The following DHX30 variants were observed in gnomAD, a reference collection of about 807,000 sequenced individuals.
DHX30 encodes ATP-dependent RNA helicase DHX30.
A neutral mutation model predicts 116.9 loss-of-function variants in DHX30; 4 were observed. The observed-to-expected ratio is 0.03, with a 90% CI of 0.02 to 0.08. The LOEUF is 0.08. Ranked by LOEUF, DHX30 falls within the 10% of genes least tolerant of loss-of-function variation. The pLI is 1.00. For missense variants in DHX30, 871 were observed against 1,595.1 expected, an observed-to-expected ratio of 0.55 and a Z score of 7.73; for synonymous variants, 697 against 651.7, an observed-to-expected ratio of 1.07 and a Z score of -1.06.
chr3:47,812,709 G>A (rs1372533788), intron 3 of DHX30, among the ~76,000 whole-genome samples: 2 of 149,604 alleles, frequency 1.3e-5, no homozygotes, highest in East Asian at 4.1e-4. Context: ...TGTTGCCCAG[G>A]CTGGAGTGCA....
In DHX30 at chr3:47,849,115, C is replaced by T. The variant is rs779601436; in HGVS notation, c.2929+36C>T. 7.7e-5 allele frequency: 124 copies of T among 1,611,290 alleles called. 1 individual carries two copies. The highest frequency in any genetic ancestry group is 5.9e-6 in the Non-Finnish European group (7 of 1,178,558). On this transcript the variant is annotated intron_variant, in intron 18 of 21. Transcript: ENST00000445061. ...CCCACACCTGCTCTCCTGAGCCCCT[C>T]CCACCCCCACTGAGTTTCTGTCACC...
At chr3:47,811,782 G>T (rs2035800091) in intron 3 of DHX30, among the ~76,000 whole-genome samples, 1 of 152,054 alleles carries the variant, frequency 6.6e-6, no homozygotes, top group South Asian at 2.1e-4. Flanking sequence ...AAACAAGATT[G>T]GCTGGGCATG....
At chr3:47,824,287 G>A (rs1384909822) in intron 4 of DHX30, among the ~76,000 whole-genome samples, 3 of 152,232 alleles carry the variant, frequency 2.0e-5, no homozygotes, top group African/African-American at 7.2e-5. Context: ...ACAGGCGTGA[G>A]CCACTGCGCC....
intron 2 of DHX30, among the ~76,000 whole-genome samples, chr3:47,808,842 G>T (rs2106935559): frequency 6.6e-6 from 1 of 151,830 alleles, no homozygotes; most frequent in South Asian, 2.1e-4. Flanking sequence ...CTCCCAAAGT[G>T]CTGGGATTAC....
intron 3 of DHX30, chr3:47,815,906 A>G: frequency 1.0e-6 from 1 of 983,916 alleles, no homozygotes; most frequent in Non-Finnish European, 1.2e-6. Context: ...AAAATGCTTA[A>G]TGAGATAATA....
At position 47,841,619 on chromosome 3, in the gene DHX30, G is replaced by A. The variant is rs747361864; in HGVS notation, c.671G>A (p.Gly224Glu). 3 of 1,614,222 alleles carry A rather than the reference G, an allele frequency of 1.9e-6. No individual in the cohort carries two copies. The highest frequency in any genetic ancestry group is 1.1e-5 in the South Asian group (1 of 91,088). ...AGTTAAACTTTTGGTCCTCCCAGGG[G>A]GAGTTCCTTTGAGATGACAGATGAC... is the stretch of plus-strand genomic sequence containing the variant. ...DSHAPLRDSR[G>E]SSFEMTDDDS... The change falls in exon 8 of 22, where the codon GGG becomes GAG. Residue 224 changes from glycine (G) to glutamate (E), a missense_variant and splice_region_variant. By Grantham distance (98) the Gly-to-Glu change is moderately conservative (BLOSUM62 -2). Around this residue, in one of 13 missense-constraint regions of DHX30, gnomAD observed 109 missense variants for 118.8 expected, o/e 0.92. Coordinates refer to ENST00000445061, the MANE Select transcript of DHX30 (RefSeq NM_138615.3).
intron 1 of DHX30, 120 bp from the exon 2 acceptor site, chr3:47,805,206 G>C (rs2035462053): frequency 1.0e-5 from 4 of 396,070 alleles, no homozygotes; most frequent in Non-Finnish European, 1.8e-5. Flanking sequence ...ATTTTGTCCA[G>C]TATGTGCCCT....
chr3:47,846,828 C>G lies in DHX30; in HGVS notation c.1756C>G (p.Arg586Gly). 2 of 1,612,338 alleles carry G rather than the reference C, an allele frequency of 1.2e-6. No individual in the cohort carries two copies. The highest frequency in any genetic ancestry group is 1.7e-6 in the Non-Finnish European group (2 of 1,179,648). The change falls in exon 11 of 22, where the codon CGG (arginine) becomes GGG (glycine). Residue 586 changes from arginine to glycine, a missense_variant. Around this residue, in one of 13 missense-constraint regions of DHX30, gnomAD observed 22 missense variants for 18.8 expected, o/e 1.17. Coordinates refer to ENST00000445061, the MANE Select transcript of DHX30 (RefSeq NM_138615.3). ...CCTGCAGCGGCTCAACCCGGCCCTGCGGCTGGTGCTCATGAGTGCCACAGG... is the reference window on the plus strand; with the variant it reads ...CCTGCAGCGGCTCAACCCGGCCCTGGGGCTGGTGCTCATGAGTGCCACAGG... ...KGLQRLNPAL[R>G]LVLMSATGDN...
Position 47,803,177 on chromosome 3 carries a change from G to C in DHX30, c.-158G>C. 1 of 393,992 alleles carries C rather than the reference G, an allele frequency of 2.5e-6. No individual in the cohort carries two copies. Among genetic ancestry groups the C allele is most frequent in the Non-Finnish European group, 4.5e-6 (1 of 222,962 alleles). The allele number at this position is 393,992 out of a possible 1,614,324, so 24.4% of individuals were successfully genotyped here. A position where few individuals can be genotyped will look rare whatever the true frequency, so the allele number is the denominator to read the frequency against. ...GTTGGGGGAGCCGCGGCTCATGCGC[G>C]GTGCACAGAGGCTTGTTTCACATCT... On this transcript the variant is annotated 5_prime_UTR_variant, in exon 1 of 22. Coordinates refer to ENST00000445061, the MANE Select transcript of DHX30 (RefSeq NM_138615.3).
chr3:47,819,812 A>G (rs2036218212), intron 4 of DHX30, among the ~76,000 whole-genome samples: 1 of 152,136 alleles, frequency 6.6e-6, no homozygotes, highest in Non-Finnish European at 1.5e-5. Context: ...TGTCTTCCCA[A>G]GGCTTCCTTC....
At chr3:47,817,574 T>C (rs577977357) in intron 3 of DHX30, among the ~76,000 whole-genome samples, 2 of 152,246 alleles carry the variant, frequency 1.3e-5, no homozygotes, top group East Asian at 1.9e-4. Context: ...AGGGAAAGAA[T>C]GATTTGAGAT....
At chr3:47,810,592 G>GT in intron 2 of DHX30, 65 bp from the exon 3 acceptor site, 1 of 1,318,888 alleles carries the variant, frequency 7.6e-7, no homozygotes, top group Non-Finnish European at 1.1e-6. Context: ...TGTTACTGAA[G>GT]TCTTCTTTGT....
At chr3:47,822,872 T>G (rs1415855755) in intron 4 of DHX30, among the ~76,000 whole-genome samples, 1 of 151,894 alleles carries the variant, frequency 6.6e-6, no homozygotes, top group East Asian at 1.9e-4. Context: ...GGAAGGCGAA[T>G]CATGAGGTCA....
chr3:47,845,867 A>G lies in DHX30; in HGVS notation c.1092+15A>G. 3 of 1,589,926 alleles carry G rather than the reference A, an allele frequency of 1.9e-6. No homozygotes were observed. The highest frequency in any genetic ancestry group is 2.2e-5 in the South Asian group (2 of 89,716). The stretch of plus-strand genomic sequence containing the variant: ...TCCTGAACCATGTAAGAGGCCCTGC[A>G]TCCCTCACCACCCCTGCTCCCTGTA... On this transcript the variant is annotated intron_variant, in intron 10 of 21. Transcript: ENST00000445061.
intron 4 of DHX30, chr3:47,824,974 C>G (rs1576481522): frequency 2.0e-6 from 1 of 507,756 alleles, no homozygotes; most frequent in South Asian, 2.7e-5. Flanking sequence ...GGCGCTCGGG[C>G]CGGCCGCTCC....
intron 6 of DHX30, among the ~76,000 whole-genome samples, chr3:47,840,519 C>G (rs1397119720): frequency 1.3e-5 from 2 of 151,724 alleles, no homozygotes; most frequent in Admixed American, 6.6e-5. Flanking sequence ...GCCTTTAGTC[C>G]CAGTTACTTT....
At chr3:47,843,373 G>T in intron 9 of DHX30, 118 bp downstream of exon 9, 1 of 1,395,698 alleles carries the variant, frequency 7.2e-7, no homozygotes, top group East Asian at 2.4e-5. Flanking sequence ...CCTTTTGCCT[G>T]GCACAAAGAC....
Position 47,833,528 on chromosome 3 carries a change from T to C in DHX30, c.366+4394T>C, listed in dbSNP as rs1480374674. On this transcript the variant is annotated intron_variant, in intron 6 of 21. Transcript: ENST00000445061. ...GCCTGGGCAGCAAAGCAGGACTCTC[T>C]CTCTCTCTCAAAAAAAAAAAAAAAA... Among the ~76,000 whole-genome samples, 11 of 81,286 alleles carry C rather than the reference T, an allele frequency of 1.4e-4. No individual in the cohort carries two copies. In the East Asian group the frequency reaches 3.8e-3, roughly 28 times the overall value. The allele number at this position is 81,286 out of a possible 152,430, so 53.3% of individuals were successfully genotyped here. A position where few individuals can be genotyped will look rare whatever the true frequency, so the allele number is the denominator to read the frequency against.
intron 10 of DHX30, 144 bp downstream of exon 10, chr3:47,845,996 A>G (rs2107131674): frequency 6.9e-7 from 1 of 1,441,746 alleles, no homozygotes; most frequent in Non-Finnish European, 9.3e-7. Flanking sequence ...CCTGGCCTGA[A>G]CAGCCCAGTC....
Sources: allele counts gnomAD v4.1 joint callset (sites outside exome capture counted in the v4.1 genomes callset), GRCh38; gene constraint gnomAD v4.1.1; regional missense constraint gnomAD v4.1.1; transcripts MANE v1.5; gene names NCBI Gene and HGNC (gene_info 2026-07-23, HGNC 2026-07-21).